The following DCBLD2 variants were observed in gnomAD, a reference collection of about 807,000 sequenced individuals.
DCBLD2 encodes discoidin, CUB and LCCL domain containing 2.
A neutral mutation model predicts 86.8 loss-of-function variants in DCBLD2; 54 were observed. That is an observed-to-expected ratio of 0.62 (90% CI 0.50 to 0.78). The LOEUF (loss-of-function observed/expected upper bound fraction) is 0.78, where lower values mean the gene tolerates loss of function less well. Among genes scored for constraint, DCBLD2 ranks in the 30% least tolerant of loss-of-function variants. The pLI is 0.00. For missense variants in DCBLD2, 908 were observed against 954.2 expected, an observed-to-expected ratio of 0.95 and a Z score of 0.64; for synonymous variants, 354 against 341.3, an observed-to-expected ratio of 1.04 and a Z score of -0.41.
At position 98,870,726 on chromosome 3, in the gene DCBLD2, GA is replaced by G. The variant is rs201803969; in HGVS notation, c.433+10813del. ...AGAAAAAAAGAAAGAAAAAGGAAAAGAAAAGAAAGAAAAAGAAAGAAAGAAA... is the reference window on the plus strand; with the variant it reads ...AGAAAAAAAGAAAGAAAAAGGAAAAGAAAGAAAGAAAAAGAAAGAAAGAAA... On this transcript the variant is annotated intron_variant, in intron 2 of 15. Coordinates refer to ENST00000326840, the MANE Select transcript of DCBLD2 (RefSeq NM_080927.4). Among the ~76,000 whole-genome samples, 38 of 78,956 alleles carry G rather than the reference GA, an allele frequency of 4.8e-4. 1 individual carries two copies. The highest frequency in any genetic ancestry group is 1.8e-3 in the East Asian group (6 of 3,398). The allele number at this position is 78,956 out of a possible 152,430, so 51.8% of individuals were successfully genotyped here. A position where few individuals can be genotyped will look rare whatever the true frequency, so the allele number is the denominator to read the frequency against.
intron 2 of DCBLD2, among the ~76,000 whole-genome samples, chr3:98,879,037 C>T (rs1264845548): frequency 7.2e-5 from 11 of 152,154 alleles, no homozygotes; most frequent in East Asian, 1.9e-4. Flanking sequence ...ATCTTCCCCA[C>T]GCCACTCTTC....
At chr3:98,813,783 A>G (rs535183867) in intron 9 of DCBLD2, 6 of 152,308 alleles carry the variant, frequency 3.9e-5, no homozygotes, top group African/African-American at 1.4e-4. Context: ...GCAAATAATG[A>G]TAGTATCTTA....
At chr3:98,889,367 A>G (rs1182985767) in intron 1 of DCBLD2, among the ~76,000 whole-genome samples, 1 of 152,004 alleles carries the variant, frequency 6.6e-6, no homozygotes, top group Non-Finnish European at 1.5e-5. Context: ...AAAGGTTCTC[A>G]GGCTCCTATT....
intron 2 of DCBLD2, among the ~76,000 whole-genome samples, chr3:98,873,380 T>C (rs1297967342): frequency 6.6e-6 from 1 of 152,086 alleles, no homozygotes; most frequent in East Asian, 1.9e-4. Context: ...CTCAAGTATA[T>C]ATAGAATATT....
At chr3:98,892,906 C>T (rs1008102828) in intron 1 of DCBLD2, among the ~76,000 whole-genome samples, 1 of 152,066 alleles carries the variant, frequency 6.6e-6, no homozygotes, top group Non-Finnish European at 1.5e-5. Context: ...TCAAAAAACA[C>T]TGAAGCACAC....
chr3:98,865,604 A>G (rs1002403108), intron 2 of DCBLD2, among the ~76,000 whole-genome samples: 1 of 152,196 alleles, frequency 6.6e-6, no homozygotes, highest in African/African-American at 2.4e-5. Context: ...CTCACCACAA[A>G]AACGTTAAGT....
At position 98,799,184 on chromosome 3, in the gene DCBLD2, A is replaced by G; in HGVS notation, c.*188T>C. 5.1e-6 allele frequency: 3 copies of G among 585,764 alleles called. No individual in the cohort carries two copies. In the East Asian group the frequency reaches 8.9e-5, roughly 17 times the overall value. The allele number at this position is 585,764 out of a possible 1,614,324, so 36.3% of individuals were successfully genotyped here. A position where few individuals can be genotyped will look rare whatever the true frequency, so the allele number is the denominator to read the frequency against. ...ATTTGAAATTTAACAGGCGAGCAGT[A>G]ACTGTGCCACCATAACACCTTAAAG... On this transcript the variant is annotated 3_prime_UTR_variant, in exon 16 of 16. Coordinates refer to ENST00000326840, the MANE Select transcript of DCBLD2 (RefSeq NM_080927.4).
intron 4 of DCBLD2, 79 bp from the exon 5 acceptor site, chr3:98,822,820 G>T: frequency 1.6e-6 from 2 of 1,270,696 alleles, no homozygotes; most frequent in South Asian, 1.5e-5. Context: ...AAATATCACA[G>T]ACACATTTTT....
At chr3:98,862,318 G>A (rs1461032253) in intron 2 of DCBLD2, among the ~76,000 whole-genome samples, 5 of 152,174 alleles carry the variant, frequency 3.3e-5, no homozygotes, top group Admixed American at 2.6e-4. Context: ...CATTCTTTCT[G>A]AAAGTATTCC....
chr3:98,819,618 T>C lies in DCBLD2; in HGVS notation c.872-201A>G, dbSNP rs143532503. Among the ~76,000 whole-genome samples, 39 of 152,298 alleles carry C rather than the reference T, an allele frequency of 2.6e-4. 1 individual carries two copies. The highest frequency in any genetic ancestry group is 9.4e-4 in the African/African-American group (39 of 41,566). On this transcript the variant is annotated intron_variant, in intron 7 of 15. Transcript: ENST00000326840. ...ATCATTAGGAAACCTACAAACATGC[T>C]CATTTATAAGCATGACTGTTAGTTT...
chr3:98,889,066 C>T (rs1236765182), intron 1 of DCBLD2, among the ~76,000 whole-genome samples: 3 of 151,906 alleles, frequency 2.0e-5, no homozygotes, highest in Admixed American at 1.3e-4. Flanking sequence ...GTCTGGGCCT[C>T]ACGTCCAATA....
intron 6 of DCBLD2, 56 bp from the exon 7 acceptor site, chr3:98,820,344 AT>A: frequency 7.9e-7 from 1 of 1,266,486 alleles, no homozygotes; most frequent in Non-Finnish European, 1.0e-6. Flanking sequence ...GATGCCCCAT[AT>A]TTAGTGAAAC....
At chr3:98,817,318 T>A (rs1942040092) in intron 9 of DCBLD2, among the ~76,000 whole-genome samples, 2 of 152,250 alleles carry the variant, frequency 1.3e-5, no homozygotes, top group South Asian at 4.1e-4. Context: ...GTTGGTGAGA[T>A]GATCTTCAGA....
chr3:98,901,450 C>A lies in DCBLD2; in HGVS notation c.-124G>T, dbSNP rs905019995. 9.8e-7 allele frequency: 1 copy of A among 1,019,572 alleles called. No individual in the cohort carries two copies. The allele number at this position is 1,019,572 out of a possible 1,614,324, so 63.2% of individuals were successfully genotyped here. A position where few individuals can be genotyped will look rare whatever the true frequency, so the allele number is the denominator to read the frequency against. The stretch of plus-strand genomic sequence containing the variant: ...AGAACAAGAGGCAGCCCTCGCCTCA[C>A]CCCGCGCCGGGACCCTTCCGCCCCT... On this transcript the variant is annotated 5_prime_UTR_variant, in exon 1 of 16. Transcript: ENST00000326840.
intron 1 of DCBLD2, among the ~76,000 whole-genome samples, chr3:98,898,366 A>G (rs1387646194): frequency 6.6e-6 from 1 of 151,058 alleles, no homozygotes; most frequent in East Asian, 1.9e-4. Flanking sequence ...AAGAAAAAAG[A>G]CACTGAAGCA....
At position 98,799,652 on chromosome 3, in the gene DCBLD2, A is replaced by C; in HGVS notation, c.2048T>G (p.Met683Arg). The change falls in exon 16 of 16, where the codon ATG becomes AGG. Residue 683 changes from methionine to arginine, a missense_variant. Met to Arg is a moderately conservative substitution (Grantham distance 91). Coordinates refer to ENST00000326840, the MANE Select transcript of DCBLD2 (RefSeq NM_080927.4). The part of the protein sequence containing the change: ...TGPEYATPII[M>R]DMSGHPTTSV... The stretch of plus-strand genomic sequence containing the variant: ...AGTTGTGGGGTGCCCTGACATGTCC[A>C]TGATGATTGGGGTTGCATACTCAGG... 1 of 1,614,000 alleles carries C rather than the reference A, an allele frequency of 6.2e-7. No individual in the cohort carries two copies. The highest frequency in any genetic ancestry group is 8.5e-7 in the Non-Finnish European group (1 of 1,179,878).
intron 2 of DCBLD2, among the ~76,000 whole-genome samples, chr3:98,850,059 A>G (rs1411570011): frequency 6.6e-6 from 1 of 152,142 alleles, no homozygotes; most frequent in South Asian, 2.1e-4. Flanking sequence ...GGGTTGTTGG[A>G]TTTCTAGTTA....
intron 13 of DCBLD2, among the ~76,000 whole-genome samples, chr3:98,804,459 A>G (rs1312611768): frequency 3.3e-5 from 5 of 152,046 alleles, no homozygotes; most frequent in African/African-American, 1.2e-4. Flanking sequence ...TAGTCTTGCT[A>G]GCAGTCTATC....
intron 2 of DCBLD2, among the ~76,000 whole-genome samples, chr3:98,850,139 C>T (rs1470788770): frequency 1.3e-5 from 2 of 152,204 alleles, no homozygotes; most frequent in African/African-American, 2.4e-5. Flanking sequence ...GCTTAACCTT[C>T]CATCCACAGC....
Sources: gnomAD v4.1 joint callset for allele counts (sites outside exome capture counted in the v4.1 genomes callset) on GRCh38, gnomAD v4.1.1 for gene constraint, MANE v1.5 for transcripts, NCBI Gene and HGNC (gene_info 2026-07-23, HGNC 2026-07-21) for gene names.